The following ARID4B variants were observed in gnomAD, a reference collection of about 807,000 sequenced individuals.
ARID4B encodes AT-rich interactive domain-containing protein 4B.
A neutral mutation model predicts 147.5 loss-of-function variants in ARID4B; 26 were observed. That is an observed-to-expected ratio of 0.18 (90% CI 0.13 to 0.24). ARID4B has a LOEUF of 0.24. ARID4B is among the 10% of genes least tolerant of loss of function. The pLI is 1.00. For synonymous variants in ARID4B, 512 were observed against 507.9 expected (o/e 1.01, Z -0.11); for missense variants, 1,179 against 1,511.5 (o/e 0.78, Z 3.65).
At chr1:235,261,627 T>C (rs1335132576) in intron 2 of ARID4B, among the ~76,000 whole-genome samples, 1 of 152,204 alleles carries the variant, frequency 6.6e-6, no homozygotes, top group African/African-American at 2.4e-5. Flanking sequence ...CTGGAAAGTC[T>C]CAAAACTTTG....
chr1:235,183,885 A>G (rs1664494469), intron 19 of ARID4B, among the ~76,000 whole-genome samples: 1 of 151,008 alleles, frequency 6.6e-6, no homozygotes, highest in Non-Finnish European at 1.5e-5. Flanking sequence ...CTGGGCTCAA[A>G]TGATCCTCCC....
chr1:235,197,528 G>A (rs572262865), intron 17 of ARID4B, among the ~76,000 whole-genome samples: 7 of 152,302 alleles, frequency 4.6e-5, no homozygotes, highest in Non-Finnish European at 7.4e-5. Flanking sequence ...AAGGGGTTCT[G>A]TTTATATGCT....
Position 235,306,374 on chromosome 1 carries a change from A to T in ARID4B, c.6+20540T>A, listed in dbSNP as rs540386609. ...AAAAATTAGCCAGGCGTGGTGGCAC[A>T]CACCTGTAGTCCCAGTTACTCGGGA... On this transcript the variant is annotated intron_variant, in intron 2 of 23. Transcript: ENST00000264183. Among the ~76,000 whole-genome samples the T allele has an allele frequency of 1.6e-4, 24 of 152,012 alleles. No homozygotes were observed. The South Asian group carries it at 4.8e-3, about 30-fold the overall frequency.
chr1:235,311,680 A>G (rs1674062776), intron 2 of ARID4B, among the ~76,000 whole-genome samples: 1 of 151,724 alleles, frequency 6.6e-6, no homozygotes, highest in East Asian at 2.0e-4. Flanking sequence ...AGGCAGAAAC[A>G]TGAGAATCTC....
intron 17 of ARID4B, among the ~76,000 whole-genome samples, chr1:235,202,298 ATTCAG>A (rs1374401920): frequency 2.0e-5 from 3 of 151,944 alleles, no homozygotes; most frequent in Non-Finnish European, 2.9e-5. Flanking sequence ...TACTTTTTCA[ATTCAG>A]TTATCAATAC....
At chr1:235,283,037 A>G (rs1358529246) in intron 2 of ARID4B, among the ~76,000 whole-genome samples, 1 of 152,226 alleles carries the variant, frequency 6.6e-6, no homozygotes, top group Non-Finnish European at 1.5e-5. Flanking sequence ...TGGCCTCCCA[A>G]AGTGCTGGGA....
chr1:235,230,920 A>G (rs574953801), intron 10 of ARID4B, among the ~76,000 whole-genome samples, 193 bp downstream of exon 10: 1 of 149,230 alleles, frequency 6.7e-6, no homozygotes, highest in South Asian at 2.1e-4. Flanking sequence ...TCTGTCTCCA[A>G]AAAAAAAAAA....
intron 17 of ARID4B, among the ~76,000 whole-genome samples, chr1:235,197,655 G>C (rs1378907538): frequency 6.6e-6 from 1 of 152,018 alleles, no homozygotes; most frequent in Non-Finnish European, 1.5e-5. Context: ...CTCAATCTAA[G>C]GCTTAGTTTA....
intron 2 of ARID4B, among the ~76,000 whole-genome samples, chr1:235,302,153 G>GAAAAAAAAAAAAAAAAAAAAAAAA (rs749154889): frequency 3.3e-5 from 1 of 30,666 alleles, no homozygotes; most frequent in Non-Finnish European, 5.5e-5. Flanking sequence ...TCAAAAAACG[G>GAAAAAAAAAAAAAAAAAAAAAAAA]AAAAAAAAAA....
intron 2 of ARID4B, among the ~76,000 whole-genome samples, chr1:235,275,772 A>G (rs1050800265): frequency 6.6e-6 from 1 of 152,234 alleles, no homozygotes; most frequent in Admixed American, 6.5e-5. Flanking sequence ...GGATATTCAG[A>G]ACTTAGATCA....
intron 6 of ARID4B, among the ~76,000 whole-genome samples, chr1:235,247,178 A>C (rs551677809): frequency 4.6e-5 from 7 of 152,212 alleles, no homozygotes; most frequent in Non-Finnish European, 8.8e-5. Flanking sequence ...CCTGTTATAA[A>C]TAATTTCACA....
Position 235,246,405 on chromosome 1 carries a change from T to A in ARID4B, c.446+15A>T. 1 of 1,560,792 alleles carries A rather than the reference T, an allele frequency of 6.4e-7. No individual in the cohort carries two copies. Among genetic ancestry groups the A allele is most frequent in the Non-Finnish European group, 8.8e-7 (1 of 1,131,524 alleles). ...TGAATTCAGGTTCAACTAACAGTCA[T>A]GAAAATGGACTTACATATGATTAGA... On this transcript the variant is annotated intron_variant, in intron 7 of 23. Coordinates refer to ENST00000264183, the MANE Select transcript of ARID4B (RefSeq NM_016374.6).
intron 1 of ARID4B, chr1:235,327,275 G>A (rs1254701193): frequency 5.3e-6 from 1 of 187,442 alleles, no homozygotes; most frequent in Non-Finnish European, 1.1e-5. Flanking sequence ...TCCGGCGCAG[G>A]GCCGGCCGCT....
In ARID4B at chr1:235,306,590, T is replaced by C. The variant is rs561941750; in HGVS notation, c.6+20324A>G. ...TATTACAGATTTATAATATATCATG[T>C]CAAAGCATCTGCTTAACATTCCAAA... On this transcript the variant is annotated intron_variant, in intron 2 of 23. Coordinates refer to ENST00000264183, the MANE Select transcript of ARID4B (RefSeq NM_016374.6). 9.9e-5 allele frequency among the ~76,000 whole-genome samples: 15 copies of C among 152,284 alleles called. No homozygotes were observed. The South Asian group carries it at 3.1e-3, about 32-fold the overall frequency.
intron 2 of ARID4B, among the ~76,000 whole-genome samples, chr1:235,301,534 CTTTTTTTTT>C (rs567369149): frequency 7.0e-5 from 7 of 99,816 alleles, no homozygotes; most frequent in Non-Finnish European, 1.2e-4. Flanking sequence ...GACCCTATTT[CTTTTTTTTT>C]TTTTTTTTTT....
chr1:235,255,575 G>T, intron 5 of ARID4B, 85 bp downstream of exon 5: 1 of 833,278 alleles, frequency 1.2e-6, no homozygotes, highest in Non-Finnish European at 1.9e-6. Context: ...ATTAAGAAGT[G>T]AATCCAGGAA....
chr1:235,323,953 T>G (rs1675036234), intron 2 of ARID4B, among the ~76,000 whole-genome samples: 1 of 151,434 alleles, frequency 6.6e-6, no homozygotes, highest in Non-Finnish European at 1.5e-5. Context: ...TCGCCGAGGC[T>G]GGAGTTCAGT....
chr1:235,226,865 C>T (rs766893303), intron 11 of ARID4B, among the ~76,000 whole-genome samples: 1 of 152,162 alleles, frequency 6.6e-6, no homozygotes, highest in Non-Finnish European at 1.5e-5. Context: ...GACGGGGTTT[C>T]ACCATGTTGG....
chr1:235,291,990 AAGGT>A (rs1672369125), intron 2 of ARID4B, among the ~76,000 whole-genome samples: 1 of 152,206 alleles, frequency 6.6e-6, no homozygotes, highest in Non-Finnish European at 1.5e-5. Context: ...TTGGAGGTAA[AAGGT>A]AGGATGAAAG....
Sources: allele counts gnomAD v4.1 joint callset (sites outside exome capture counted in the v4.1 genomes callset), GRCh38; gene constraint gnomAD v4.1.1; transcripts MANE v1.5; gene names NCBI Gene and HGNC (gene_info 2026-07-23, HGNC 2026-07-21).